MALRD1: variants seen among roughly 807,000 people sequenced by gnomAD.
The protein encoded by MALRD1 is MAM and LDL receptor class A domain containing 1.
MALRD1 carries 247 observed loss-of-function variants against 242.1 expected under a neutral mutation model. The observed-to-expected ratio is 1.02, with a 90% confidence interval of 0.92 to 1.13. The LOEUF (loss-of-function observed/expected upper bound fraction) is 1.13, where lower values mean the gene tolerates loss of function less well. MALRD1 is among the 50% of genes most tolerant of loss of function. The pLI is 0.00. For synonymous variants in MALRD1, 995 were observed against 866.6 expected, an observed-to-expected ratio of 1.15 and a Z score of -2.60; for missense variants, 2,989 against 2,533.1, an observed-to-expected ratio of 1.18 and a Z score of -3.86.
intron 29 of MALRD1, among the ~76,000 whole-genome samples, chr10:19,485,090 G>A (rs988644508): frequency 6.6e-6 from 1 of 152,164 alleles, no homozygotes; most frequent in African/African-American, 2.4e-5. Flanking sequence ...ACCAAATACT[G>A]CATGTTCTCA....
chr10:19,187,518 G>C (rs974745394), intron 14 of MALRD1, among the ~76,000 whole-genome samples: 1 of 152,142 alleles, frequency 6.6e-6, no homozygotes, highest in African/African-American at 2.4e-5. Flanking sequence ...TGGTGAATTT[G>C]AACAATAGCA....
intron 18 of MALRD1, 127 bp downstream of exon 18, chr10:19,209,807 A>C: frequency 6.5e-6 from 6 of 923,202 alleles, no homozygotes; most frequent in Non-Finnish European, 9.5e-6. Context: ...AGACACATTT[A>C]TCATTTATTT....
chr10:19,342,234 T>G (rs1554835957), intron 24 of MALRD1, among the ~76,000 whole-genome samples: 1 of 152,154 alleles, frequency 6.6e-6, no homozygotes, highest in Non-Finnish European at 1.5e-5. Flanking sequence ...AGTACACCAG[T>G]GTGCATTATC....
intron 38 of MALRD1, among the ~76,000 whole-genome samples, chr10:19,714,759 G>A (rs1480410610): frequency 1.3e-5 from 2 of 152,078 alleles, no homozygotes; most frequent in Non-Finnish European, 2.9e-5. Context: ...AAGATCATGA[G>A]GCATGCGGAT....
intron 33 of MALRD1, among the ~76,000 whole-genome samples, chr10:19,587,521 G>T (rs1351071434): frequency 6.6e-6 from 1 of 152,078 alleles, no homozygotes; most frequent in South Asian, 2.1e-4. Context: ...GGCACTTTAG[G>T]CTTTTATGGA....
intron 14 of MALRD1, among the ~76,000 whole-genome samples, chr10:19,184,824 A>G (rs1389599203): frequency 3.9e-5 from 6 of 152,204 alleles, no homozygotes; most frequent in African/African-American, 1.4e-4. Flanking sequence ...CTGAGATTAC[A>G]GGCATGAGCT....
At chr10:19,051,921 CAAAAAAAAAAAAAAAAAAAA>C (rs1178410946) in intron 1 of MALRD1, 3 of 62,718 alleles carry the variant, frequency 4.8e-5, no homozygotes, top group Admixed American at 2.9e-4. Flanking sequence ...GACTCCGTCT[CAAAAAAAAAAAAAAAAAAAA>C]AAAAAAAAAA....
chr10:19,117,561 T>C (rs538248743), intron 5 of MALRD1, among the ~76,000 whole-genome samples: 3 of 152,314 alleles, frequency 2.0e-5, no homozygotes, highest in African/African-American at 7.2e-5. Flanking sequence ...TTGTAGCTAT[T>C]ATATGAATCT....
chr10:19,539,914 G>A lies in MALRD1; in HGVS notation c.5478+8563G>A, dbSNP rs576149828. 9.1e-4 allele frequency among the ~76,000 whole-genome samples: 78 copies of A among 85,724 alleles called. 1 individual carries two copies. The highest frequency in any genetic ancestry group is 2.8e-3 in the African/African-American group (73 of 25,904). 56.2% of individuals were successfully genotyped at this position (85,724 alleles called of 152,430 possible). A position where few individuals can be genotyped will look rare whatever the true frequency, so the allele number is the denominator to read the frequency against. ...TGTGTGTGTGCGCGCGCGCGTGCGC[G>A]CACACACGCGCAGTGATGGGGTTTT... On this transcript the variant is annotated intron_variant, in intron 32 of 39. Coordinates refer to ENST00000454679, the MANE Select transcript of MALRD1 (RefSeq NM_001142308.3).
intron 26 of MALRD1, among the ~76,000 whole-genome samples, chr10:19,377,981 A>G (rs1002967723): frequency 2.0e-5 from 3 of 152,128 alleles, no homozygotes; most frequent in African/African-American, 7.2e-5. Flanking sequence ...TTGTCAATCA[A>G]GAATTCTGTG....
chr10:19,198,287 G>A (rs558565529), intron 14 of MALRD1, among the ~76,000 whole-genome samples: 38 of 152,272 alleles, frequency 2.5e-4, no homozygotes, highest in Non-Finnish European at 4.7e-4. Context: ...AATGTTGTGA[G>A]CAACATATTT....
chr10:19,433,290 G>A (rs1240712196), intron 28 of MALRD1, among the ~76,000 whole-genome samples: 1 of 152,004 alleles, frequency 6.6e-6, no homozygotes, highest in African/African-American at 2.4e-5. Context: ...CCGCTGAAAT[G>A]TGTAGAAATC....
intron 18 of MALRD1, among the ~76,000 whole-genome samples, chr10:19,232,908 C>T (rs775509627): frequency 2.0e-5 from 3 of 152,274 alleles, no homozygotes; most frequent in South Asian, 2.1e-4. Flanking sequence ...CACACTTTTA[C>T]TTAATAGCAG....
intron 32 of MALRD1, among the ~76,000 whole-genome samples, chr10:19,535,173 TGCGCCCGACCAAA>T (rs1435601501): frequency 6.6e-6 from 1 of 152,130 alleles, no homozygotes; most frequent in African/African-American, 2.4e-5. Context: ...CGTGAGCCAC[TGCGCCCGACCAAA>T]GTTTTTTTTT....
At chr10:19,730,952 T>A (rs1835271674) in intron 39 of MALRD1, among the ~76,000 whole-genome samples, 171 bp downstream of exon 39, 1 of 152,212 alleles carries the variant, frequency 6.6e-6, no homozygotes, top group Admixed American at 6.5e-5. Flanking sequence ...TCCATCTCTA[T>A]AAATATGCTG....
At position 19,338,169 on chromosome 10, in the gene MALRD1, C is replaced by T. The variant is rs191683040; in HGVS notation, c.3901+6587C>T. On this transcript the variant is annotated intron_variant, in intron 24 of 39. Transcript: ENST00000454679. ...TCTATAATCGATAAACCTACAATGA[C>T]ACATCATTAACACTCAAACTCCATA... 7.4e-4 allele frequency among the ~76,000 whole-genome samples: 113 copies of T among 152,010 alleles called. 1 individual carries two copies. Among genetic ancestry groups the T allele is most frequent in the African/African-American group, 2.7e-3 (112 of 41,468 alleles).
chr10:19,692,646 A>G (rs1833132367), intron 38 of MALRD1, 92 bp downstream of exon 38: 1 of 963,414 alleles, frequency 1.0e-6, no homozygotes, highest in African/African-American at 1.7e-5. Context: ...TTCACTCCAT[A>G]TTACATGCAG....
chr10:19,666,034 C>T (rs1011342148), intron 36 of MALRD1, among the ~76,000 whole-genome samples: 1 of 152,090 alleles, frequency 6.6e-6, no homozygotes, highest in East Asian at 1.9e-4. Context: ...TAGGTGTCCT[C>T]TTCATCCCTC....
At chr10:19,238,762 T>A (rs1264069054) in intron 18 of MALRD1, among the ~76,000 whole-genome samples, 3 of 150,212 alleles carry the variant, frequency 2.0e-5, no homozygotes, top group African/African-American at 7.3e-5. Context: ...AATGATTGTT[T>A]TTTTTGTTTT....
Sources: allele counts gnomAD v4.1 joint callset (sites outside exome capture counted in the v4.1 genomes callset), GRCh38; gene constraint gnomAD v4.1.1; transcripts MANE v1.5; gene names NCBI Gene and HGNC (gene_info 2026-07-23, HGNC 2026-07-21).